TTC7A: variants seen among roughly 807,000 people sequenced by gnomAD.
The protein encoded by TTC7A is tetratricopeptide repeat protein 7A.
TTC7A carries 110 observed loss-of-function variants against 103.7 expected under a neutral mutation model. That is an observed-to-expected ratio of 1.06 (90% CI 0.91 to 1.24). The LOEUF is 1.24. TTC7A is among the 50% of genes most tolerant of loss of function. The probability of loss-of-function intolerance (pLI) is 0.00; values close to 1 mark genes in which losing one functional copy is unlikely to be tolerated. For synonymous variants in TTC7A, 521 were observed against 467.9 expected (o/e 1.11, Z -1.47); for missense variants, 1,340 against 1,116.3 (o/e 1.20, Z -2.86).
Position 46,941,852 on chromosome 2 carries a change from G to C in TTC7A, c.184+127G>C. 3.2e-6 allele frequency: 4 copies of C among 1,239,300 alleles called. No individual in the cohort carries two copies. Among genetic ancestry groups the C allele is most frequent in the Middle Eastern group, 2.8e-4 (1 of 3,636 alleles). 76.8% of individuals were successfully genotyped at this position (1,239,300 alleles called of 1,614,324 possible). A position where few individuals can be genotyped will look rare whatever the true frequency, so the allele number is the denominator to read the frequency against. Reference sequence around the variant, plus strand: ...TGCCAGCCCACCGTGCTAGTCTTAAGAGCAGCCAGGGCAGTTAGGAAGGTC... The same window carrying C: ...TGCCAGCCCACCGTGCTAGTCTTAACAGCAGCCAGGGCAGTTAGGAAGGTC... On this transcript the variant is annotated intron_variant, in intron 1 of 19. Transcript: ENST00000319190. This position sits in a 1 kb window ranked among gnomAD's most constrained non-coding sequence, Gnocchi z 4.2.
At chr2:47,040,141 C>G (rs572958275) in intron 15 of TTC7A, among the ~76,000 whole-genome samples, 1 of 152,320 alleles carries the variant, frequency 6.6e-6, no homozygotes, top group Admixed American at 6.5e-5. Flanking sequence ...CTGGCAGCAT[C>G]CTGACGAGGG....
Position 47,006,035 on chromosome 2 carries a change from G to A in TTC7A, c.1179G>A (p.Arg393=). ...YDLLSITLGR[R]GQYVMLSECL... is the part of the protein sequence containing the mutation. ...TCCTGAGCATCACGTTGGGCAGAAG[G>A]GGACAGTACGTCATGCTCTCGGAGG... The change falls in exon 9 of 20, where the codon AGG becomes AGA. Residue 393 remains arginine (R), a synonymous_variant. Coordinates refer to ENST00000319190, the MANE Select transcript of TTC7A (RefSeq NM_020458.4). The A allele has an allele frequency of 6.2e-7, 1 of 1,614,002 alleles. No individual in the cohort carries two copies. The highest frequency in any genetic ancestry group is 8.5e-7 in the Non-Finnish European group (1 of 1,180,018).
intron 1 of TTC7A, among the ~76,000 whole-genome samples, chr2:46,942,753 A>T (rs1670549788): frequency 6.6e-6 from 1 of 152,276 alleles, no homozygotes; most frequent in East Asian, 1.9e-4. Flanking sequence ...ACATCCTTTA[A>T]ATCACTTGCA....
intron 2 of TTC7A, among the ~76,000 whole-genome samples, chr2:46,936,047 C>T (rs1203380861): frequency 1.3e-5 from 2 of 152,134 alleles, no homozygotes; most frequent in Non-Finnish European, 2.9e-5. Flanking sequence ...GCTATGATTG[C>T]ACCATAGCAC....
chr2:47,006,504 G>A, intron 9 of TTC7A, 137 bp from the exon 10 acceptor site: 2 of 739,912 alleles, frequency 2.7e-6, no homozygotes, highest in African/African-American at 1.7e-5. Flanking sequence ...TCGGCAGGGT[G>A]TCTCCCAGGA....
intron 18 of TTC7A, among the ~76,000 whole-genome samples, chr2:47,057,223 A>G (rs370453671): frequency 2.7e-4 from 41 of 152,320 alleles, no homozygotes; most frequent in African/African-American, 9.6e-4. Flanking sequence ...CCTACCCTGG[A>G]GGCTGGCCCT....
chr2:47,068,862 C>CAAAAAAAAAAAA (rs201835431), intron 19 of TTC7A, among the ~76,000 whole-genome samples: 1 of 69,758 alleles, frequency 1.4e-5, no homozygotes, highest in Non-Finnish European at 4.2e-5. Context: ...TCAATTTTTT[C>CAAAAAAAAAAAA]AAAAAAAAAA....
rs765829968 is a variant in TTC7A, at chr2:46,950,418, G to A, written c.240G>A (p.Glu80=). ...CCCTCCTGGAGCAGTGTTTGAAGGA[G>A]AACCATGCCAAAATAAAAGACTCCA... ...AEALLEQCLK[E]NHAKIKDSMP... The change falls in exon 2 of 20, where the codon GAG becomes GAA. Residue 80 remains glutamate, a synonymous_variant. Coordinates refer to ENST00000319190, the MANE Select transcript of TTC7A (RefSeq NM_020458.4). 15 of 1,614,132 alleles carry A rather than the reference G, an allele frequency of 9.3e-6. No homozygotes were observed. In the South Asian group the frequency reaches 1.6e-4, roughly 18 times the overall value.
At chr2:46,917,697 G>T (rs1418929839) in intron 2 of TTC7A, among the ~76,000 whole-genome samples, 1 of 152,086 alleles carries the variant, frequency 6.6e-6, no homozygotes, top group African/African-American at 2.4e-5. Context: ...ATATAAACTT[G>T]CTGTATTTTC....
At chr2:47,029,138 A>T (rs931312892) in intron 14 of TTC7A, 86 bp from the exon 15 acceptor site, 12 of 1,498,278 alleles carry the variant, frequency 8.0e-6, no homozygotes, top group Non-Finnish European at 1.1e-5. Flanking sequence ...GTTGAGTGTG[A>T]GTGCCCTTGT....
chr2:46,983,884 G>A (rs540927724), intron 5 of TTC7A, among the ~76,000 whole-genome samples: 1 of 152,306 alleles, frequency 6.6e-6, no homozygotes, highest in African/African-American at 2.4e-5. Context: ...AGGCACGAAG[G>A]CCAGAGGAGC....
chr2:47,053,500 G>A (rs1288326643), intron 18 of TTC7A, among the ~76,000 whole-genome samples: 2 of 151,972 alleles, frequency 1.3e-5, no homozygotes, highest in African/African-American at 4.8e-5. Flanking sequence ...GATTTGCCTT[G>A]GTTTTGGTGG....
chr2:46,927,265 G>C (rs1279580660), intron 2 of TTC7A, among the ~76,000 whole-genome samples: 1 of 150,256 alleles, frequency 6.7e-6, no homozygotes, highest in East Asian at 2.0e-4. Context: ...CCCAAGCAAA[G>C]TTAATGAAAA....
intron 16 of TTC7A, chr2:47,046,696 A>G: frequency 2.1e-6 from 1 of 477,516 alleles, no homozygotes; most frequent in South Asian, 2.6e-5. Context: ...TGAGCACTGG[A>G]GCTGGGTGCT....
At chr2:47,027,027 G>A (rs1287412159) in intron 14 of TTC7A, among the ~76,000 whole-genome samples, 5 of 152,290 alleles carry the variant, frequency 3.3e-5, no homozygotes, top group Admixed American at 6.5e-5. Flanking sequence ...GTATGTAGCT[G>A]GCAGATTCTT....
At chr2:47,009,890 T>A (rs1464486873) in intron 10 of TTC7A, among the ~76,000 whole-genome samples, 1 of 141,680 alleles carries the variant, frequency 7.1e-6, no homozygotes, top group African/African-American at 2.6e-5. Context: ...GTGTGTGTTT[T>A]TTTTTTTTTT....
At chr2:46,945,314 G>A (rs2103926977) in intron 1 of TTC7A, among the ~76,000 whole-genome samples, 1 of 152,018 alleles carries the variant, frequency 6.6e-6, no homozygotes, top group East Asian at 1.9e-4. Flanking sequence ...GTGCAGTGGT[G>A]CGATCTCGGC....
intron 15 of TTC7A, among the ~76,000 whole-genome samples, chr2:47,031,707 G>A (rs1439275325): frequency 6.6e-6 from 1 of 152,216 alleles, no homozygotes; most frequent in Non-Finnish European, 1.5e-5. Context: ...AGCTGAGGGG[G>A]CCCCTCCATC....
intron 2 of TTC7A, among the ~76,000 whole-genome samples, chr2:46,931,573 T>C (rs1350094237): frequency 6.6e-6 from 1 of 152,038 alleles, no homozygotes; most frequent in Non-Finnish European, 1.5e-5. Flanking sequence ...GTGATGAGCT[T>C]TGAAGATGTA....
Sources: allele counts gnomAD v4.1 joint callset (sites outside exome capture counted in the v4.1 genomes callset), GRCh38; gene constraint gnomAD v4.1.1; non-coding constraint Gnocchi (gnomAD v3.1); transcripts MANE v1.5; gene names NCBI Gene and HGNC (gene_info 2026-07-23, HGNC 2026-07-21).